ATXN1: variants seen among roughly 807,000 people sequenced by gnomAD.
The protein encoded by ATXN1 is ataxin 1.
In ATXN1, 8 loss-of-function variants were observed where a neutral mutation model predicts 56.4. That is an observed-to-expected ratio of 0.14 (90% CI 0.08 to 0.26). The LOEUF (loss-of-function observed/expected upper bound fraction) is 0.26, where lower values mean the gene tolerates loss of function less well. Ranked by LOEUF, ATXN1 falls within the 10% of genes least tolerant of loss-of-function variation. The probability of loss-of-function intolerance (pLI) is 1.00; values close to 1 mark genes in which losing one functional copy is unlikely to be tolerated. For synonymous variants in ATXN1, 514 were observed against 494.6 expected (o/e 1.04, Z -0.52); for missense variants, 987 against 1,106.5 (o/e 0.89, Z 1.53).
chr6:16,599,581 C>T (rs920046344), intron 3 of ATXN1, among the ~76,000 whole-genome samples: 4 of 151,726 alleles, frequency 2.6e-5, no homozygotes, highest in South Asian at 2.1e-4. Context: ...TATGGTGGCA[C>T]GTGCCTGTAA....
intron 6 of ATXN1, among the ~76,000 whole-genome samples, chr6:16,375,093 G>A (rs1762117519): frequency 6.6e-6 from 1 of 152,222 alleles, no homozygotes; most frequent in Non-Finnish European, 1.5e-5. Context: ...AGAAAGGCAA[G>A]GCTGAAGAAA....
intron 3 of ATXN1, among the ~76,000 whole-genome samples, chr6:16,586,531 C>A (rs1762627579): frequency 6.6e-6 from 1 of 152,184 alleles, no homozygotes; most frequent in Non-Finnish European, 1.5e-5. Flanking sequence ...TTGCCCCACT[C>A]CACTGCAGTC....
Position 16,374,138 on chromosome 6 carries a change from CAAAAAAA to C in ATXN1, c.-160-45675_-160-45669del, listed in dbSNP as rs376857810. 4.7e-5 allele frequency among the ~76,000 whole-genome samples: 4 copies of C among 85,444 alleles called. No individual in the cohort carries two copies. The East Asian group carries it at 1.1e-3, about 24-fold the overall frequency. The allele number at this position is 85,444 out of a possible 152,430, so 56.1% of individuals were successfully genotyped here. On this transcript the variant is annotated intron_variant, in intron 6 of 7. Coordinates refer to ENST00000436367, the MANE Select transcript of ATXN1 (RefSeq NM_001128164.2). ...ATACCAGAAGCTTTTAGGATATGAGCAAAAAAAAAAAAAAAAAAGACATAGACCCTGC... is the reference window on the plus strand; with the variant it reads ...ATACCAGAAGCTTTTAGGATATGAGCAAAAAAAAAAAGACATAGACCCTGC...
At chr6:16,450,385 T>C (rs1265367826) in intron 6 of ATXN1, among the ~76,000 whole-genome samples, 1 of 152,218 alleles carries the variant, frequency 6.6e-6, no homozygotes, top group Non-Finnish European at 1.5e-5. Context: ...ACATGCATGG[T>C]TCTTAGAGAA....
At chr6:16,551,196 C>T (rs891718537) in intron 4 of ATXN1, among the ~76,000 whole-genome samples, 2 of 152,174 alleles carry the variant, frequency 1.3e-5, no homozygotes, top group Non-Finnish European at 2.9e-5. Context: ...GTTTGCAGAA[C>T]GGATCCCAGC....
At chr6:16,414,503 A>T (rs1190534921) in intron 6 of ATXN1, among the ~76,000 whole-genome samples, 1 of 152,212 alleles carries the variant, frequency 6.6e-6, no homozygotes, top group Non-Finnish European at 1.5e-5. Context: ...GACGCCCACG[A>T]CACAAATGAA....
chr6:16,620,620 G>A (rs1049106012), intron 3 of ATXN1, among the ~76,000 whole-genome samples: 6 of 152,166 alleles, frequency 3.9e-5, no homozygotes, highest in Non-Finnish European at 7.3e-5. Context: ...GAAGAGGTAC[G>A]TTATATAAAG....
intron 2 of ATXN1, among the ~76,000 whole-genome samples, chr6:16,683,557 T>G (rs1392475258): frequency 6.6e-6 from 1 of 152,226 alleles, no homozygotes; most frequent in African/African-American, 2.4e-5. Context: ...TGTCTTCCCC[T>G]ATTCTGGAGA....
chr6:16,709,840 G>C (rs1759486399), intron 2 of ATXN1, among the ~76,000 whole-genome samples: 2 of 152,054 alleles, frequency 1.3e-5, no homozygotes, highest in South Asian at 4.1e-4. Context: ...AAAATATCCA[G>C]CAATAGGTCA....
chr6:16,729,332 G>A (rs1759916881), intron 2 of ATXN1, among the ~76,000 whole-genome samples: 1 of 152,196 alleles, frequency 6.6e-6, no homozygotes, highest in Admixed American at 6.5e-5. Context: ...GACTGAGAGA[G>A]CAAAGAGAAA....
At chr6:16,530,154 T>C (rs1019399444) in intron 4 of ATXN1, among the ~76,000 whole-genome samples, 8 of 152,210 alleles carry the variant, frequency 5.3e-5, no homozygotes, top group African/African-American at 7.2e-5. Flanking sequence ...TCCTCTGATA[T>C]TGGCTGAAGA....
At chr6:16,492,765 A>G (rs1760694968) in intron 5 of ATXN1, among the ~76,000 whole-genome samples, 1 of 152,082 alleles carries the variant, frequency 6.6e-6, no homozygotes, top group Non-Finnish European at 1.5e-5. Context: ...TTCACTTTCT[A>G]TAATGATTTC....
intron 3 of ATXN1, among the ~76,000 whole-genome samples, chr6:16,590,892 G>C (rs1216161183): frequency 6.6e-6 from 1 of 151,466 alleles, no homozygotes; most frequent in Non-Finnish European, 1.5e-5. Flanking sequence ...GCCCAGGCTG[G>C]AGTGCAATGG....
chr6:16,734,329 ACGCT>A (rs1262515314), intron 2 of ATXN1, among the ~76,000 whole-genome samples: 1 of 152,150 alleles, frequency 6.6e-6, no homozygotes, highest in Admixed American at 6.5e-5. Flanking sequence ...CCCGCAAGGA[ACGCT>A]CGCCTTCACT....
intron 6 of ATXN1, among the ~76,000 whole-genome samples, chr6:16,455,737 T>A (rs186723147): frequency 5.3e-4 from 81 of 152,202 alleles, no homozygotes; most frequent in African/African-American, 1.9e-3. Context: ...AAATGAGAGG[T>A]GAAGCCAGCT....
At chr6:16,471,008 T>A (rs6909231) in intron 6 of ATXN1, among the ~76,000 whole-genome samples, 109,334 of 151,896 alleles carry the variant, frequency 0.72, 39,811 homozygotes, top group Non-Finnish European at 0.77. Flanking sequence ...GAAAGATTCG[T>A]CTGGAAAGGG....
At chr6:16,543,178 C>G (rs1005002971) in intron 4 of ATXN1, among the ~76,000 whole-genome samples, 1 of 152,192 alleles carries the variant, frequency 6.6e-6, no homozygotes, top group Non-Finnish European at 1.5e-5. Flanking sequence ...GAGCTGAGCT[C>G]TGGCCTGGGT....
intron 5 of ATXN1, among the ~76,000 whole-genome samples, chr6:16,488,042 T>C (rs901824564): frequency 6.6e-6 from 1 of 152,188 alleles, no homozygotes; most frequent in Non-Finnish European, 1.5e-5. Flanking sequence ...TCTCCATACC[T>C]TGAAATAAGA....
At chr6:16,538,446 T>A (rs1244384166) in intron 4 of ATXN1, among the ~76,000 whole-genome samples, 1 of 152,144 alleles carries the variant, frequency 6.6e-6, no homozygotes, top group Non-Finnish European at 1.5e-5. Flanking sequence ...TTGTTTTTAA[T>A]TATACTTTAA....
Sources: gnomAD v4.1 joint callset for allele counts (sites outside exome capture counted in the v4.1 genomes callset) on GRCh38, gnomAD v4.1.1 for gene constraint, MANE v1.5 for transcripts, NCBI Gene and HGNC (gene_info 2026-07-23, HGNC 2026-07-21) for gene names.